The following FARP1 variants were observed in gnomAD, a reference collection of about 807,000 sequenced individuals.
FARP1 encodes FERM, ARHGEF and pleckstrin domain-containing protein 1.
In FARP1, 52 loss-of-function variants were observed where a neutral mutation model predicts 128.8. That is an observed-to-expected ratio of 0.40 (90% CI 0.32 to 0.51). The LOEUF (loss-of-function observed/expected upper bound fraction) is 0.51. FARP1 is among the 20% of genes least tolerant of loss of function. The pLI is 0.45. For synonymous variants in FARP1, 580 were observed against 551.8 expected, an observed-to-expected ratio of 1.05 and a Z score of -0.72; for missense variants, 1,333 against 1,367.9, an observed-to-expected ratio of 0.97 and a Z score of 0.40.
At chr13:98,177,057 CG>C (rs1878121800) in intron 1 of FARP1, 1 of 1,594,936 alleles carries the variant, frequency 6.3e-7, no homozygotes, top group Non-Finnish European at 8.5e-7. Flanking sequence ...GTGCCACCCG[CG>C]GGGGCTGAGC....
chr13:98,290,406 G>T (rs1885396531), intron 2 of FARP1, among the ~76,000 whole-genome samples: 1 of 151,832 alleles, frequency 6.6e-6, no homozygotes, highest in Non-Finnish European at 1.5e-5. Flanking sequence ...ATTTCCCATG[G>T]GTCTCTGCTA....
At chr13:98,242,017 A>G (rs1413977763) in intron 2 of FARP1, among the ~76,000 whole-genome samples, 1 of 152,154 alleles carries the variant, frequency 6.6e-6, no homozygotes, top group Non-Finnish European at 1.5e-5. Flanking sequence ...AGCCGGGAGG[A>G]TCGCTTGAGC....
chr13:98,297,550 C>T (rs1391985976), intron 2 of FARP1, among the ~76,000 whole-genome samples: 4 of 152,096 alleles, frequency 2.6e-5, no homozygotes, highest in African/African-American at 4.8e-5. Flanking sequence ...ACTGTAGGTA[C>T]GATAATTTTA....
intron 1 of FARP1, among the ~76,000 whole-genome samples, chr13:98,174,539 A>G (rs1408179927): frequency 1.3e-5 from 2 of 152,208 alleles, no homozygotes; most frequent in Non-Finnish European, 2.9e-5. Flanking sequence ...AGAACTGACA[A>G]AAACGGACGG....
At chr13:98,205,554 G>C (rs149161290) in intron 1 of FARP1, among the ~76,000 whole-genome samples, 2,287 of 152,042 alleles carry the variant, frequency 0.015, 51 homozygotes, top group African/African-American at 0.052. Flanking sequence ...CACCATGCCC[G>C]GCTAATTTTT....
chr13:98,377,552 T>C (rs1369007616), intron 5 of FARP1, among the ~76,000 whole-genome samples: 1 of 152,194 alleles, frequency 6.6e-6, no homozygotes, highest in Admixed American at 6.5e-5. Flanking sequence ...TATAGCATGC[T>C]AGGTTATGGT....
chr13:98,336,747 A>G (rs367963028), intron 2 of FARP1, among the ~76,000 whole-genome samples: 11 of 152,328 alleles, frequency 7.2e-5, no homozygotes, highest in South Asian at 2.1e-4. Flanking sequence ...TGAAAAGCCA[A>G]TTGAGGATGG....
At position 98,440,108 on chromosome 13, in the gene FARP1, C is replaced by G; in HGVS notation, c.2517-15C>G. ...TGTGCTGTGGCCTGAACACCTGACG[C>G]GTCTCTGTCTCCAGTTCTCGGTCCG... On this transcript the variant is annotated splice_polypyrimidine_tract_variant and intron_variant, in intron 22 of 26. Transcript: ENST00000319562. 1 of 1,610,074 alleles carries G rather than the reference C, an allele frequency of 6.2e-7. No homozygotes were observed. The highest frequency in any genetic ancestry group is 8.5e-7 in the Non-Finnish European group (1 of 1,176,336).
rs1395609676 is a variant in FARP1 at position 98,454,004 on chromosome 13, G to C, written c.*5687G>C. 1 of 152,144 alleles carries C rather than the reference G, an allele frequency of 6.6e-6. No individual in the cohort carries two copies. Among genetic ancestry groups the C allele is most frequent in the Non-Finnish European group, 1.5e-5 (1 of 68,036 alleles). The allele number at this position is 152,144 out of a possible 1,614,324, so 9.4% of individuals were successfully genotyped here. A position where few individuals can be genotyped will look rare whatever the true frequency, so the allele number is the denominator to read the frequency against. On this transcript the variant is annotated 3_prime_UTR_variant, in exon 27 of 27. Coordinates refer to ENST00000319562, the MANE Select transcript of FARP1 (RefSeq NM_005766.4). ...AGAGAGCAGTTCCTTTGAGCCCCAT[G>C]CTGGCGCTCAAAAGTTTCAGATTGG...
intron 9 of FARP1, chr13:98,389,584 C>T (rs555410444): frequency 1.9e-4 from 32 of 169,358 alleles, no homozygotes; most frequent in Admixed American, 1.4e-3. Flanking sequence ...ATGAACGTTG[C>T]GTTTCAGTGA....
intron 6 of FARP1, among the ~76,000 whole-genome samples, chr13:98,379,567 A>C (rs1420836231): frequency 6.6e-6 from 1 of 152,132 alleles, no homozygotes; most frequent in Admixed American, 6.6e-5. Flanking sequence ...GGTAGCATAC[A>C]CAGTTGTCCT....
intron 18 of FARP1, chr13:98,434,238 A>G (rs1892160734): frequency 6.6e-6 from 1 of 152,066 alleles, no homozygotes; most frequent in African/African-American, 2.4e-5. Context: ...CCATCATTCC[A>G]TCATTTTCCT....
chr13:98,349,672 G>GAAAAAAAA (rs56376512), intron 3 of FARP1, among the ~76,000 whole-genome samples: 6 of 59,860 alleles, frequency 1.0e-4, no homozygotes, highest in Admixed American at 4.6e-4. Flanking sequence ...CCATCTCAGG[G>GAAAAAAAA]AAAAAAAAAA....
chr13:98,370,526 G>A (rs902408840), intron 5 of FARP1, among the ~76,000 whole-genome samples: 55 of 149,644 alleles, frequency 3.7e-4, no homozygotes, highest in African/African-American at 1.2e-3. Context: ...AGGTGGTGGT[G>A]GACTTTGAGG....
At chr13:98,161,553 A>G (rs1458345695) in intron 1 of FARP1, among the ~76,000 whole-genome samples, 2 of 151,992 alleles carry the variant, frequency 1.3e-5, no homozygotes, top group Non-Finnish European at 2.9e-5. Context: ...ATTGAGGTCA[A>G]AGGTCTCTTG....
At chr13:98,357,858 C>T (rs1300962642) in intron 3 of FARP1, among the ~76,000 whole-genome samples, 2 of 152,016 alleles carry the variant, frequency 1.3e-5, no homozygotes, top group African/African-American at 4.8e-5. Flanking sequence ...TATTTGGAAG[C>T]GATTTGATCC....
chr13:98,390,637 G>A (rs1428428865), intron 10 of FARP1, 175 bp from the exon 11 acceptor site: 18 of 559,366 alleles, frequency 3.2e-5, no homozygotes, highest in South Asian at 2.6e-4. Flanking sequence ...AAGAGACTGA[G>A]TGGACCCAAA....
At chr13:98,285,339 C>T (rs1033548504) in intron 2 of FARP1, among the ~76,000 whole-genome samples, 19 of 152,250 alleles carry the variant, frequency 1.2e-4, no homozygotes, top group Middle Eastern at 3.4e-3. Flanking sequence ...TGTGTTTTCT[C>T]GTCATGAATG....
At chr13:98,395,883 C>G in intron 13 of FARP1, 1 of 400,170 alleles carries the variant, frequency 2.5e-6, no homozygotes, top group Non-Finnish European at 4.4e-6. Context: ...CCAGCAGCAG[C>G]AGTTCAAGTC....
Sources: gnomAD v4.1 joint callset for allele counts (sites outside exome capture counted in the v4.1 genomes callset) on GRCh38, gnomAD v4.1.1 for gene constraint, MANE v1.5 for transcripts, NCBI Gene and HGNC (gene_info 2026-07-23, HGNC 2026-07-21) for gene names.